TMEM63B: variants seen among roughly 807,000 people sequenced by gnomAD.
TMEM63B encodes the protein transmembrane protein 63B, also known as mechanosensitive cation channel TMEM63B.
A neutral mutation model predicts 102.6 loss-of-function variants in TMEM63B; 23 were observed. The observed-to-expected ratio is 0.22, with a 90% CI of 0.16 to 0.32. TMEM63B has a LOEUF of 0.32. Ranked by LOEUF, TMEM63B falls within the 10% of genes least tolerant of loss-of-function variation. TMEM63B has a pLI of 1.00. For missense variants in TMEM63B, 628 were observed against 1,095.9 expected (o/e 0.57, Z 6.03); for synonymous variants, 444 against 437.0 (o/e 1.02, Z -0.20).
intron 11 of TMEM63B, among the ~76,000 whole-genome samples, 185 bp from the exon 12 acceptor site, chr6:44,147,192 G>C (rs1765592832): frequency 6.6e-6 from 1 of 152,156 alleles, no homozygotes; most frequent in Non-Finnish European, 1.5e-5. Flanking sequence ...ATTTAGGTCA[G>C]CCTGCAGGAA....
At chr6:44,153,941 A>G in intron 21 of TMEM63B, 98 bp downstream of exon 21, 1 of 1,568,974 alleles carries the variant, frequency 6.4e-7, no homozygotes, top group Middle Eastern at 1.7e-4. Context: ...GGTGGCAGGC[A>G]AGGGGCCTGG....
At position 44,148,589 on chromosome 6, in the gene TMEM63B, G is replaced by A. The variant is rs372877250; in HGVS notation, c.1198G>A (p.Glu400Lys). 3 of 1,614,104 alleles carry A rather than the reference G, an allele frequency of 1.9e-6. No homozygotes were observed. Among genetic ancestry groups the A allele is most frequent in the Non-Finnish European group, 8.5e-7 (1 of 1,180,054 alleles). Reference sequence around the variant, plus strand: ...GGAGCCACGCCCCTCATCCTGCAGCGAGTCCCTGCACATCTCCAACTGGAC... The same window carrying A: ...GGAGCCACGCCCCTCATCCTGCAGCAAGTCCCTGCACATCTCCAACTGGAC... ...RGEPRPSSCS[E>K]SLHISNWTVS... Residue 400 changes from glutamate to lysine, a missense_variant, in exon 14 of 24, where the codon GAG (glutamate) becomes AAG (lysine). This residue lies in a region of TMEM63B where 336 missense variants were observed against 580.3 expected (regional missense o/e 0.58). Coordinates refer to ENST00000323267, the MANE Select transcript of TMEM63B (RefSeq NM_018426.3). This position sits in a 1 kb window ranked among gnomAD's most constrained non-coding sequence, Gnocchi z 5.1.
Position 44,140,358 on chromosome 6 carries a change from C to G in TMEM63B, c.709C>G (p.Leu237Val). ...TSKMRYKEDDLVKRTLFINGI... is the reference protein window; with the variant it reads ...TSKMRYKEDDVVKRTLFINGI... ...CAAGATGCGCTACAAGGAGGATGAT[C>G]TGGTGCGTGGAGCAGAGCCCAGGTC... is the stretch of plus-strand genomic sequence containing the variant. The change falls in exon 9 of 24, where the codon CTG (leucine) becomes GTG (valine). Residue 237 changes from leucine (L) to valine (V), a missense_variant and splice_region_variant. Around this residue, in one of 6 missense-constraint regions of TMEM63B, gnomAD observed 336 missense variants for 580.3 expected, o/e 0.58. Transcript: ENST00000323267. 6.2e-7 allele frequency: 1 copy of G among 1,613,042 alleles called. No individual in the cohort carries two copies. The highest frequency in any genetic ancestry group is 1.7e-5 in the Admixed American group (1 of 60,002).
At chr6:44,128,854 G>C (rs915967060) in intron 1 of TMEM63B, among the ~76,000 whole-genome samples, 10 of 152,218 alleles carry the variant, frequency 6.6e-5, no homozygotes, top group African/African-American at 1.4e-4. Flanking sequence ...GCATGCCCCA[G>C]GTGGCACATG....
rs760426125 is a variant in TMEM63B, at chr6:44,134,608, A to G, written c.24A>G (p.Thr8=). ...CCATGCTGCCCTTTCTGCTGGCCACACTGGGCACCACAGCCCTCAACAACA... is the reference window on the plus strand; with the variant it reads ...CCATGCTGCCCTTTCTGCTGGCCACGCTGGGCACCACAGCCCTCAACAACA... MLPFLLA[T]LGTTALNNSN... Residue 8 remains threonine (T), a synonymous_variant, in exon 2 of 24, where the codon ACA becomes ACG. Coordinates refer to ENST00000323267, the MANE Select transcript of TMEM63B (RefSeq NM_018426.3). 1.2e-6 allele frequency: 2 copies of G among 1,614,098 alleles called. No homozygotes were observed. The highest frequency in any genetic ancestry group is 2.2e-5 in the South Asian group (2 of 91,090).
chr6:44,153,589 C>G, intron 20 of TMEM63B, 87 bp from the exon 21 acceptor site: 1 of 1,498,284 alleles, frequency 6.7e-7, no homozygotes, highest in Non-Finnish European at 9.0e-7. Flanking sequence ...CCCTTCAGCA[C>G]TCTCAGGACC....
intron 1 of TMEM63B, among the ~76,000 whole-genome samples, chr6:44,133,366 C>T (rs760933435): frequency 4.6e-5 from 7 of 152,192 alleles, no homozygotes; most frequent in Non-Finnish European, 2.9e-5. Flanking sequence ...ATGCTGCTCC[C>T]GAAGTTGCAG....
upstream of TMEM63B, chr6:44,127,168 A>ACCCCCCTCCCCGTCGGGGCC (rs1562105829): frequency 5.0e-5 from 4 of 79,410 alleles, no homozygotes; most frequent in Admixed American, 2.2e-4. Context: ...CCCCGTCGGG[A>ACCCCCCTCCCCGTCGGGGCC]CCCCCCTCCC....
chr6:44,150,960 T>C lies in TMEM63B; in HGVS notation c.1673+331T>C, dbSNP rs1355886406. On this transcript the variant is annotated intron_variant, in intron 18 of 23. Transcript: ENST00000323267. The surrounding 1 kb of genome is among the most constrained non-coding windows in gnomAD (Gnocchi z 4.7). The stretch of plus-strand genomic sequence containing the variant: ...TGTGCCCATATTCTGGGACTAACTG[T>C]GGGCGTCTCTGGAGTTCCACTTGGG... Among the ~76,000 whole-genome samples, 1 of 152,108 alleles carries C rather than the reference T, an allele frequency of 6.6e-6. No homozygotes were observed.
intron 10 of TMEM63B, among the ~76,000 whole-genome samples, chr6:44,145,586 C>T (rs1439949421): frequency 4.0e-5 from 6 of 151,842 alleles, no homozygotes; most frequent in South Asian, 2.1e-4. Context: ...AGTGAGACTC[C>T]GTCTCAAAAA....
intron 1 of TMEM63B, among the ~76,000 whole-genome samples, chr6:44,133,367 G>A (rs549999496): frequency 6.6e-5 from 10 of 152,166 alleles, no homozygotes; most frequent in Non-Finnish European, 8.8e-5. Flanking sequence ...TGCTGCTCCC[G>A]AAGTTGCAGT....
At chr6:44,149,584 AT>A in intron 15 of TMEM63B, among the ~76,000 whole-genome samples, 1 of 152,282 alleles carries the variant, frequency 6.6e-6, no homozygotes, top group East Asian at 1.9e-4. Flanking sequence ...GGGTAACAGC[AT>A]TATTGTGAGG....
chr6:44,149,285 C>T (rs1766081253), intron 15 of TMEM63B: 1 of 404,234 alleles, frequency 2.5e-6, no homozygotes, highest in Non-Finnish European at 4.7e-6. Flanking sequence ...GACTTGGATT[C>T]TGATCTCTTT....
chr6:44,153,669 C>T lies in TMEM63B; in HGVS notation c.1943-7C>T, dbSNP rs1397060762. 7 of 1,612,624 alleles carry T rather than the reference C, an allele frequency of 4.3e-6. No individual in the cohort carries two copies. The South Asian group carries it at 5.5e-5, about 13-fold the overall frequency. The stretch of plus-strand genomic sequence containing the variant: ...TCCGAGGTCAGGGCCCATGTGGCTT[C>T]CCTTAGGGCTCATGTACATGCTGCT... On this transcript the variant is annotated splice_polypyrimidine_tract_variant and splice_region_variant and intron_variant, in intron 20 of 23. Transcript: ENST00000323267.
At chr6:44,132,327 C>T (rs1337996644) in intron 1 of TMEM63B, 2 of 985,298 alleles carry the variant, frequency 2.0e-6, no homozygotes, top group African/African-American at 3.5e-5. Flanking sequence ...AGATCCTGTC[C>T]ACCCTGCTGG....
intron 1 of TMEM63B, among the ~76,000 whole-genome samples, chr6:44,132,845 G>T (rs1562114003): frequency 6.6e-6 from 1 of 152,168 alleles, no homozygotes; most frequent in South Asian, 2.1e-4. Context: ...AAGCTTCCAT[G>T]GTCTGCCGAG....
intron 1 of TMEM63B, among the ~76,000 whole-genome samples, chr6:44,133,112 A>G (rs1159676631): frequency 2.6e-5 from 4 of 152,210 alleles, no homozygotes; most frequent in Non-Finnish European, 5.9e-5. Flanking sequence ...ATGGTACCCA[A>G]TACAATTACT....
At chr6:44,130,245 CCA>C (rs1778007162) in intron 1 of TMEM63B, among the ~76,000 whole-genome samples, 1 of 152,160 alleles carries the variant, frequency 6.6e-6, no homozygotes, top group Non-Finnish European at 1.5e-5. Context: ...TCTGGGTCTA[CCA>C]CAGACTGGCT....
At chr6:44,136,014 C>T (rs944528121) in intron 4 of TMEM63B, among the ~76,000 whole-genome samples, 5 of 152,124 alleles carry the variant, frequency 3.3e-5, no homozygotes, top group Admixed American at 6.5e-5. Context: ...CTCCGTTGCC[C>T]GCCCCCGGCC....
Sources: allele counts gnomAD v4.1 joint callset (sites outside exome capture counted in the v4.1 genomes callset), GRCh38; gene constraint gnomAD v4.1.1; regional missense constraint gnomAD v4.1.1; non-coding constraint Gnocchi (gnomAD v3.1); transcripts MANE v1.5; gene names NCBI Gene and HGNC (gene_info 2026-07-23, HGNC 2026-07-21).